MYLK2: variants seen among roughly 807,000 people sequenced by gnomAD.
MYLK2 encodes the protein myosin light chain kinase 2, skeletal/cardiac muscle.
Under a neutral mutation model 58.2 loss-of-function variants are expected in MYLK2, and 27 were observed. The observed-to-expected ratio is 0.46, with a 90% CI of 0.34 to 0.64. The LOEUF is 0.64. Ranked by LOEUF, MYLK2 falls within the 30% of genes least tolerant of loss-of-function variation. The pLI is 0.01. For missense variants in MYLK2, 676 were observed against 764.3 expected, an observed-to-expected ratio of 0.88 and a Z score of 1.36; for synonymous variants, 310 against 296.7, an observed-to-expected ratio of 1.04 and a Z score of -0.46.
In MYLK2 at chr20:31,820,551, A is replaced by C. The variant is rs1171702617; in HGVS notation, c.473+5A>C. The C allele has an allele frequency of 6.3e-7, 1 of 1,599,652 alleles. No individual in the cohort carries two copies. The highest frequency in any genetic ancestry group is 1.3e-5 in the African/African-American group (1 of 74,932). On this transcript the variant is annotated splice_donor_5th_base_variant and intron_variant, in intron 3 of 12. Transcript: ENST00000375985. ...CTGTCCTGCCATCATCTCCAGGTGAATATCCCCTCCTGGGAGTGGGGAGGG... is the reference window on the plus strand; with the variant it reads ...CTGTCCTGCCATCATCTCCAGGTGACTATCCCCTCCTGGGAGTGGGGAGGG...
At position 31,820,545 on chromosome 20, in the gene MYLK2, A is replaced by G; in HGVS notation, c.472A>G (p.Ser158Gly). The G allele has an allele frequency of 6.2e-7, 1 of 1,600,206 alleles. No homozygotes were observed. The highest frequency in any genetic ancestry group is 8.5e-7 in the Non-Finnish European group (1 of 1,179,930). The part of the protein sequence containing the change: ...HSPSCPAIIS[S>G]SEKLLAKKPP... ...CCCCAGCTGTCCTGCCATCATCTCC[A>G]GGTGAATATCCCCTCCTGGGAGTGG... Residue 158 changes from serine to glycine, a missense_variant and splice_region_variant, in exon 3 of 13, where the codon AGT (serine) becomes GGT (glycine). Ser to Gly is a moderately conservative substitution (Grantham distance 56). Coordinates refer to ENST00000375985, the MANE Select transcript of MYLK2 (RefSeq NM_033118.4).
intron 3 of MYLK2, 48 bp from the exon 4 acceptor site, chr20:31,821,391 A>G: frequency 1.9e-6 from 3 of 1,610,000 alleles, no homozygotes; most frequent in Non-Finnish European, 2.5e-6. Context: ...GCCTGATGCC[A>G]CAGGCTGTGG....
At chr20:31,833,185 G>A (rs568521871) in intron 12 of MYLK2, among the ~76,000 whole-genome samples, 41 of 152,176 alleles carry the variant, frequency 2.7e-4, no homozygotes, top group Non-Finnish European at 8.8e-5. Context: ...TTCTAAATAG[G>A]GGGGGTCAGG....
rs550699672 is a variant in MYLK2 at position 31,833,432 on chromosome 20, C to T, written c.1711-285C>T. On this transcript the variant is annotated intron_variant, in intron 12 of 12. Coordinates refer to ENST00000375985, the MANE Select transcript of MYLK2 (RefSeq NM_033118.4). Reference sequence around the variant, plus strand: ...GAGGGGGACAGGAGTTGGAGGGACTCATCGGCCATGGCAAGGGGTTTATCT... The same window carrying T: ...GAGGGGGACAGGAGTTGGAGGGACTTATCGGCCATGGCAAGGGGTTTATCT... Among the ~76,000 whole-genome samples the T allele has an allele frequency of 3.3e-5, 5 of 152,268 alleles. No homozygotes were observed. The South Asian group carries it at 1.0e-3, about 32-fold the overall frequency.
At chr20:31,827,976 C>T (rs1217720431) in intron 8 of MYLK2, among the ~76,000 whole-genome samples, 1 of 145,684 alleles carries the variant, frequency 6.9e-6, no homozygotes, top group East Asian at 2.0e-4. Flanking sequence ...CAACCTCTGT[C>T]TCCTGGGCTC....
intron 5 of MYLK2, 23 bp downstream of exon 5, chr20:31,823,605 G>C (rs1319517226): frequency 6.2e-7 from 1 of 1,607,880 alleles, no homozygotes; most frequent in African/African-American, 1.3e-5. Flanking sequence ...ACCCCAGCTG[G>C]GCACTCATGG....
At position 31,821,574 on chromosome 20, in the gene MYLK2, C is replaced by T. The variant is rs748858933; in HGVS notation, c.609C>T (p.Ser203=). ...AEEGKNILAE[S]QKEVGEKTPG... ...AAGGAAAGAACATCCTGGCAGAGAGCCAGAAGGAAGTGGGAGAGAAAACCC... is the reference window on the plus strand; with the variant it reads ...AAGGAAAGAACATCCTGGCAGAGAGTCAGAAGGAAGTGGGAGAGAAAACCC... The change falls in exon 4 of 13, where the codon AGC becomes AGT. Residue 203 remains serine (S), a synonymous_variant. Coordinates refer to ENST00000375985, the MANE Select transcript of MYLK2 (RefSeq NM_033118.4). The T allele has an allele frequency of 4.6e-5, 75 of 1,613,960 alleles. No homozygotes were observed. Among genetic ancestry groups the T allele is most frequent in the Non-Finnish European group, 6.2e-5 (73 of 1,180,040 alleles).
intron 4 of MYLK2, among the ~76,000 whole-genome samples, chr20:31,823,052 G>A (rs1405421353): frequency 6.6e-6 from 1 of 152,230 alleles, no homozygotes; most frequent in Non-Finnish European, 1.5e-5. Context: ...TGGCCAGATT[G>A]CGGTGTTATT....
At chr20:31,827,847 AC>A (rs1330094241) in intron 8 of MYLK2, among the ~76,000 whole-genome samples, 1 of 136,108 alleles carries the variant, frequency 7.3e-6, no homozygotes, top group East Asian at 2.2e-4. Flanking sequence ...CTTGCTCACT[AC>A]CATGCACATG....
chr20:31,828,666 G>A (rs1175012130), intron 8 of MYLK2: 2 of 985,362 alleles, frequency 2.0e-6, no homozygotes, highest in African/African-American at 1.7e-5. Flanking sequence ...GTCAGCACGG[G>A]TCTGAAGCAG....
intron 8 of MYLK2, chr20:31,828,319 G>A (rs1482468789): frequency 5.1e-6 from 5 of 985,320 alleles, no homozygotes; most frequent in East Asian, 2.3e-4. Flanking sequence ...CATGGCAGGT[G>A]TTAATGCTGT....
rs781515957 is a variant in MYLK2 at position 31,831,729 on chromosome 20, G to A, written c.1451G>A (p.Gly484Glu). 32 of 1,613,934 alleles carry A rather than the reference G, an allele frequency of 2.0e-5. No homozygotes were observed. In the South Asian group the frequency reaches 3.5e-4, roughly 18 times the overall value. Residue 484 changes from glycine to glutamate, a missense_variant, in exon 11 of 13, where the codon GGA (glycine) becomes GAA (glutamate). Around this residue, in one of 2 missense-constraint regions of MYLK2, gnomAD observed 370 missense variants for 467.8 expected, o/e 0.79. Coordinates refer to ENST00000375985, the MANE Select transcript of MYLK2 (RefSeq NM_033118.4). Reference sequence around the variant, plus strand: ...CTGAGCGGCCTCTCCCCCTTCCTGGGAGATGATGACACAGAGACCCTAAAC... The same window carrying A: ...CTGAGCGGCCTCTCCCCCTTCCTGGAAGATGATGACACAGAGACCCTAAAC... ...MLLSGLSPFLGDDDTETLNNV... is the reference protein window; with the variant it reads ...MLLSGLSPFLEDDDTETLNNV...
chr20:31,830,893 C>A lies in MYLK2; in HGVS notation c.1295+4C>A, dbSNP rs113936360. ...TTGACTTTGGCCTGGCACGGAGGTA[C>A]CACCTGGGTGGGTGGGGAGGGCAAG... On this transcript the variant is annotated splice_donor_region_variant and intron_variant, in intron 9 of 12. Transcript: ENST00000375985. 3.3e-4 allele frequency: 536 copies of A among 1,613,680 alleles called. 4 individuals carry two copies. The African/African-American group carries it at 6.1e-3, about 18-fold the overall frequency.
In MYLK2 at chr20:31,834,248, T is replaced by C. The variant is rs977863939; in HGVS notation, c.*451T>C. Reference sequence around the variant, plus strand: ...GTGGTTGTGGATGGGAGGCTCCTGGTGGGGCAGAAAGGCTGCAACGCTGAT... The same window carrying C: ...GTGGTTGTGGATGGGAGGCTCCTGGCGGGGCAGAAAGGCTGCAACGCTGAT... On this transcript the variant is annotated 3_prime_UTR_variant, in exon 13 of 13. Transcript: ENST00000375985. 1 of 197,474 alleles carries C rather than the reference T, an allele frequency of 5.1e-6. No homozygotes were observed. The highest frequency in any genetic ancestry group is 1.1e-5 in the Non-Finnish European group (1 of 92,848). 12.2% of individuals were successfully genotyped at this position (197,474 alleles called of 1,614,324 possible).
At chr20:31,833,674 C>A in intron 12 of MYLK2, 43 bp from the exon 13 acceptor site, 1 of 1,563,670 alleles carries the variant, frequency 6.4e-7, no homozygotes, top group South Asian at 1.1e-5. Context: ...AGCTGCCCCC[C>A]TGCCCTGGTG....
At chr20:31,822,977 C>T (rs986283026) in intron 4 of MYLK2, among the ~76,000 whole-genome samples, 1 of 152,152 alleles carries the variant, frequency 6.6e-6, no homozygotes, top group Non-Finnish European at 1.5e-5. Flanking sequence ...CCACACTTGC[C>T]GCTAGGTGGC....
intron 6 of MYLK2, 164 bp downstream of exon 6, chr20:31,824,516 A>AG: frequency 4.1e-6 from 4 of 985,460 alleles, no homozygotes; most frequent in Non-Finnish European, 4.8e-6. Flanking sequence ...ACAGCCCTGC[A>AG]GCAGGGGCCT....
chr20:31,831,581 G>T (rs2062306562), intron 10 of MYLK2, 122 bp from the exon 11 acceptor site: 6 of 1,155,440 alleles, frequency 5.2e-6, no homozygotes, highest in Non-Finnish European at 7.6e-6. Flanking sequence ...CCCACGAGAG[G>T]CTGGGGGTCT....
In MYLK2 at chr20:31,826,943, C is replaced by A. The variant is rs542865804; in HGVS notation, c.1224+5C>A. On this transcript the variant is annotated splice_donor_5th_base_variant and intron_variant, in intron 8 of 12. Transcript: ENST00000375985. ...GTTTTGCACCTGGACCTCAAGGTAC[C>A]AGACTGGGGCCTCCTGGGAAGGGTC... 4 of 1,613,994 alleles carry A rather than the reference C, an allele frequency of 2.5e-6. No individual in the cohort carries two copies. In the Admixed American group the frequency reaches 5.0e-5, roughly 20 times the overall value.
Sources: gnomAD v4.1 joint callset for allele counts (sites outside exome capture counted in the v4.1 genomes callset) on GRCh38, gnomAD v4.1.1 for gene constraint, gnomAD v4.1.1 regional missense constraint, MANE v1.5 for transcripts, NCBI Gene and HGNC (gene_info 2026-07-23, HGNC 2026-07-21) for gene names.